The following ASB7 variants were observed in gnomAD, a reference collection of about 807,000 sequenced individuals.
ASB7 encodes the protein ankyrin repeat and SOCS box protein 7.
ASB7 carries 4 observed loss-of-function variants against 32.5 expected under a neutral mutation model. The ratio of observed to expected loss-of-function variants is 0.12; its 90% CI spans 0.06 to 0.28. The LOEUF (loss-of-function observed/expected upper bound fraction) is 0.28, where lower values mean the gene tolerates loss of function less well. ASB7 is among the 10% of genes least tolerant of loss of function. ASB7 has a pLI of 1.00. For synonymous variants in ASB7, 172 were observed against 155.6 expected (o/e 1.11, Z -0.78); for missense variants, 181 against 407.1 (o/e 0.44, Z 4.78).
intron 4 of ASB7, among the ~76,000 whole-genome samples, chr15:100,621,383 CAATGCCCA>C (rs1200133150): frequency 6.6e-6 from 1 of 152,126 alleles, no homozygotes; most frequent in Non-Finnish European, 1.5e-5. Flanking sequence ...TAGGCATTCT[CAATGCCCA>C]AATATAGAGA....
At chr15:100,645,433 G>A (rs552454241) in intron 5 of ASB7, 84 of 342,020 alleles carry the variant, frequency 2.5e-4, no homozygotes, top group African/African-American at 1.7e-3. Flanking sequence ...CATGCCCCCC[G>A]GAATATCTGT....
intron 4 of ASB7, among the ~76,000 whole-genome samples, chr15:100,619,699 A>G (rs1272769706): frequency 6.6e-6 from 1 of 152,224 alleles, no homozygotes; most frequent in Admixed American, 6.5e-5. Context: ...CCCGCCTGGT[A>G]AAACCACCGA....
intron 5 of ASB7, among the ~76,000 whole-genome samples, chr15:100,637,925 C>CA (rs2141404674): frequency 1.4e-5 from 2 of 148,018 alleles, no homozygotes; most frequent in Admixed American, 1.3e-4. Context: ...GCTGTTCTCG[C>CA]AAAAATCCTT....
intron 5 of ASB7, chr15:100,646,442 GT>G: frequency 2.2e-6 from 1 of 459,580 alleles, no homozygotes; most frequent in Non-Finnish European, 4.5e-6. Context: ...GTGTTCTCCC[GT>G]TCCATGTGTT....
chr15:100,624,640 A>G (rs2039821985), intron 4 of ASB7, among the ~76,000 whole-genome samples: 1 of 152,218 alleles, frequency 6.6e-6, no homozygotes, highest in Non-Finnish European at 1.5e-5. Flanking sequence ...AGTCTAGCTC[A>G]TAACTAAAAC....
chr15:100,628,685 G>C (rs1231063788), intron 4 of ASB7, among the ~76,000 whole-genome samples: 1 of 152,200 alleles, frequency 6.6e-6, no homozygotes, highest in Non-Finnish European at 1.5e-5. Context: ...TCACATAGCA[G>C]ATAAATTATT....
intron 4 of ASB7, among the ~76,000 whole-genome samples, chr15:100,613,547 T>A (rs2039714693): frequency 6.6e-6 from 1 of 152,204 alleles, no homozygotes; most frequent in Non-Finnish European, 1.5e-5. Context: ...TCATTTCACC[T>A]TACAACACAA....
chr15:100,650,510 C>G lies in ASB7; in HGVS notation c.*2048C>G, dbSNP rs1192775922. 2 of 152,146 alleles carry G rather than the reference C, an allele frequency of 1.3e-5. No homozygotes were observed. Among genetic ancestry groups the G allele is most frequent in the African/African-American group, 4.8e-5 (2 of 41,444 alleles). 9.4% of individuals were successfully genotyped at this position (152,146 alleles called of 1,614,324 possible). A position where few individuals can be genotyped will look rare whatever the true frequency, so the allele number is the denominator to read the frequency against. ...ATCAGTGATGTTCATGTTACACTTGCACAAGGGCTGATTTCCACGTATGTG... is the reference window on the plus strand; with the variant it reads ...ATCAGTGATGTTCATGTTACACTTGGACAAGGGCTGATTTCCACGTATGTG... On this transcript the variant is annotated 3_prime_UTR_variant, in exon 6 of 6. Transcript: ENST00000332783.
At chr15:100,633,209 CAAAAA>C (rs990373413) in intron 5 of ASB7, among the ~76,000 whole-genome samples, 1 of 91,012 alleles carries the variant, frequency 1.1e-5, no homozygotes, top group Non-Finnish European at 2.4e-5. Flanking sequence ...TACTTGTAGC[CAAAAA>C]AAAAAAAAAA....
intron 4 of ASB7, among the ~76,000 whole-genome samples, chr15:100,617,065 C>T (rs1385044800): frequency 6.6e-6 from 1 of 152,116 alleles, no homozygotes; most frequent in Non-Finnish European, 1.5e-5. Flanking sequence ...TGACTGATTG[C>T]TAAGTCTTAT....
intron 5 of ASB7, among the ~76,000 whole-genome samples, chr15:100,643,833 A>C (rs1179045206): frequency 6.6e-6 from 1 of 151,698 alleles, no homozygotes; most frequent in East Asian, 1.9e-4. Context: ...AAATTCTAGT[A>C]ATTTAGTTTT....
intron 5 of ASB7, among the ~76,000 whole-genome samples, chr15:100,643,707 A>G (rs1445107505): frequency 6.6e-6 from 1 of 150,576 alleles, no homozygotes; most frequent in Admixed American, 6.6e-5. Context: ...GTTGGCCAGG[A>G]TGGTCTCAAT....
At chr15:100,623,989 T>TA (rs1236292549) in intron 4 of ASB7, among the ~76,000 whole-genome samples, 1 of 152,092 alleles carries the variant, frequency 6.6e-6, no homozygotes, top group Non-Finnish European at 1.5e-5. Flanking sequence ...AATTTGGCCA[T>TA]AAAAAATGAG....
chr15:100,618,249 T>C (rs968406306), intron 4 of ASB7, among the ~76,000 whole-genome samples: 1 of 152,114 alleles, frequency 6.6e-6, no homozygotes, highest in Non-Finnish European at 1.5e-5. Flanking sequence ...TCCGAGTAGC[T>C]GGGACTACAG....
At chr15:100,621,861 T>TGG (rs150515319) in intron 4 of ASB7, among the ~76,000 whole-genome samples, 5 of 148,072 alleles carry the variant, frequency 3.4e-5, no homozygotes, top group Non-Finnish European at 5.9e-5. Context: ...TCTAGAATGG[T>TGG]GAAAAAAAGA....
intron 4 of ASB7, among the ~76,000 whole-genome samples, chr15:100,612,963 A>AT (rs1420111849): frequency 6.6e-6 from 1 of 152,204 alleles, no homozygotes; most frequent in African/African-American, 2.4e-5. Flanking sequence ...CTGAGATCTA[A>AT]TTTTGTATAA....
chr15:100,646,828 C>CATA (rs1240588513), intron 5 of ASB7, among the ~76,000 whole-genome samples: 1 of 152,188 alleles, frequency 6.6e-6, no homozygotes, highest in Non-Finnish European at 1.5e-5. Context: ...TCCTGATTTT[C>CATA]ATAATAACAC....
intron 4 of ASB7, among the ~76,000 whole-genome samples, chr15:100,613,301 G>C (rs1359430790): frequency 6.6e-6 from 1 of 152,156 alleles, no homozygotes; most frequent in Non-Finnish European, 1.5e-5. Context: ...TGCATTTTGA[G>C]GTGCAGAAAA....
At position 100,621,411 on chromosome 15, in the gene ASB7, G is replaced by A. The variant is rs1237413819; in HGVS notation, c.212-8026G>A. Among the ~76,000 whole-genome samples the A allele has an allele frequency of 7.9e-5, 12 of 152,238 alleles. No homozygotes were observed. In the South Asian group the frequency reaches 2.3e-3, roughly 29 times the overall value. Reference sequence around the variant, plus strand: ...TGCCCAAATATAGAGAAGCAATTCAGTAATTAGAGTATGGTTACAGCTATG... The same window carrying A: ...TGCCCAAATATAGAGAAGCAATTCAATAATTAGAGTATGGTTACAGCTATG... On this transcript the variant is annotated intron_variant, in intron 4 of 5. Transcript: ENST00000332783.
Sources: allele counts gnomAD v4.1 joint callset (sites outside exome capture counted in the v4.1 genomes callset), GRCh38; gene constraint gnomAD v4.1.1; transcripts MANE v1.5; gene names NCBI Gene and HGNC (gene_info 2026-07-23, HGNC 2026-07-21).